PITPNM2: variants seen among roughly 807,000 people sequenced by gnomAD.
The protein encoded by PITPNM2 is phosphatidylinositol transfer protein membrane associated 2, also known as membrane-associated phosphatidylinositol transfer protein 2.
PITPNM2 carries 35 observed loss-of-function variants against 132.2 expected under a neutral mutation model. The ratio of observed to expected loss-of-function variants is 0.26; its 90% CI spans 0.20 to 0.35. The LOEUF (loss-of-function observed/expected upper bound fraction) is 0.35. PITPNM2 is among the 10% of genes least tolerant of loss of function. The pLI is 1.00. For missense variants in PITPNM2, 1,332 were observed against 1,912.0 expected, an observed-to-expected ratio of 0.70 and a Z score of 5.66; for synonymous variants, 738 against 799.2, an observed-to-expected ratio of 0.92 and a Z score of 1.29.
At chr12:123,048,457 C>T (rs560922767) in intron 2 of PITPNM2, among the ~76,000 whole-genome samples, 1 of 151,264 alleles carries the variant, frequency 6.6e-6, no homozygotes, top group Admixed American at 6.6e-5. Flanking sequence ...CCAGGCCGGA[C>T]TGCGGACTGC....
chr12:123,032,734 C>T (rs959923540), intron 3 of PITPNM2, among the ~76,000 whole-genome samples: 5 of 152,180 alleles, frequency 3.3e-5, no homozygotes, highest in Non-Finnish European at 5.9e-5. Flanking sequence ...TCCTTGAACA[C>T]GCTGAGCTAT....
chr12:123,112,084 G>T (rs528402908), intron 1 of PITPNM2, among the ~76,000 whole-genome samples: 1 of 152,256 alleles, frequency 6.6e-6, no homozygotes, highest in Non-Finnish European at 1.5e-5. Flanking sequence ...GGGGCTATGA[G>T]AAAAAAGCAC....
Position 122,988,792 on chromosome 12 carries a change from C to T in PITPNM2, c.2812G>A (p.Ala938Thr). The change falls in exon 19 of 26, where the codon GCT becomes ACT. Residue 938 changes from alanine (A) to threonine (T), a missense_variant. Ala to Thr is a moderately conservative substitution (Grantham distance 58). Around this residue, in one of 6 missense-constraint regions of PITPNM2, gnomAD observed 251 missense variants for 472.0 expected, o/e 0.53. Transcript: ENST00000320201. ...CTGGCGTGGAAGAGGTGAGGCAGAG[C>T]CACCGTGGGGAAGGCCGTGAGGGCG... ...PDALTAFPTV[A>T]LPHLFHASYW... 1 of 1,583,188 alleles carries T rather than the reference C, an allele frequency of 6.3e-7. No individual in the cohort carries two copies. Among genetic ancestry groups the T allele is most frequent in the African/African-American group, 1.3e-5 (1 of 74,558 alleles).
intron 2 of PITPNM2, among the ~76,000 whole-genome samples, chr12:123,062,653 A>C (rs1242677373): frequency 2.6e-5 from 4 of 152,250 alleles, no homozygotes; most frequent in African/African-American, 9.6e-5. Context: ...AACTCTCTGC[A>C]GTGAAAGACA....
In PITPNM2 at chr12:123,121,055, A is replaced by C. The variant is rs528074295; in HGVS notation, c.-199-10567T>G. 1.2e-4 allele frequency among the ~76,000 whole-genome samples: 18 copies of C among 152,364 alleles called. 1 individual carries two copies. In the South Asian group the frequency reaches 3.7e-3, roughly 32 times the overall value. On this transcript the variant is annotated intron_variant, in intron 1 of 25. Coordinates refer to ENST00000320201, the MANE Select transcript of PITPNM2 (RefSeq NM_020845.3). ...CAGAACACACAGCTGCTGCAGGCCC[A>C]GCCCAGGCTCCTTCTCTGGGGAGCT...
chr12:123,065,232 A>C (rs998233969), intron 2 of PITPNM2, among the ~76,000 whole-genome samples: 4 of 152,216 alleles, frequency 2.6e-5, no homozygotes, highest in Non-Finnish European at 5.9e-5. Context: ...AAAAACCAGA[A>C]GAAAGGGTGA....
intron 2 of PITPNM2, among the ~76,000 whole-genome samples, chr12:123,100,070 G>C (rs1285064252): frequency 6.6e-6 from 1 of 152,228 alleles, no homozygotes; most frequent in Non-Finnish European, 1.5e-5. Flanking sequence ...AATAAGGTCT[G>C]CATTTCACAG....
rs376562298 is a variant in PITPNM2, at chr12:123,014,021, A to C, written c.100T>G (p.Tyr34Asp). The change falls in exon 4 of 26, where the codon TAT becomes GAT. Residue 34 changes from tyrosine (Y) to aspartate (D), a missense_variant. By Grantham distance (160) the Tyr-to-Asp change is radical. This residue lies in a region of PITPNM2 where 83 missense variants were observed against 118.7 expected (regional missense o/e 0.70). Transcript: ENST00000320201. ...MIQKKSRNET[Y>D]GEGSGVEILE... is the part of the protein sequence containing the mutation. ...ATCTCCACGCCGCTGCCTTCGCCATATGTCTCGTTACGGCTCTTCTTCTGT... is the reference window on the plus strand; with the variant it reads ...ATCTCCACGCCGCTGCCTTCGCCATCTGTCTCGTTACGGCTCTTCTTCTGT... The C allele has an allele frequency of 6.2e-7, 1 of 1,614,044 alleles. No homozygotes were observed. The highest frequency in any genetic ancestry group is 1.3e-5 in the African/African-American group (1 of 74,922).
intron 2 of PITPNM2, among the ~76,000 whole-genome samples, chr12:123,043,296 C>G (rs1300740402): frequency 6.6e-6 from 1 of 152,074 alleles, no homozygotes; most frequent in Non-Finnish European, 1.5e-5. Flanking sequence ...AAAAGTGACA[C>G]AGAAAGAGCT....
At chr12:123,140,975 C>A (rs542965100) in intron 1 of PITPNM2, among the ~76,000 whole-genome samples, 122 of 151,020 alleles carry the variant, frequency 8.1e-4, no homozygotes, top group African/African-American at 2.5e-3. Flanking sequence ...AAAAAAAAAA[C>A]CCCATACAAA....
In PITPNM2 at chr12:123,000,309, CA is replaced by C; in HGVS notation, c.1224+468del. 1.5e-6 allele frequency: 1 copy of C among 672,410 alleles called. No homozygotes were observed. The highest frequency in any genetic ancestry group is 2.7e-6 in the Non-Finnish European group (1 of 370,544). 41.7% of individuals were successfully genotyped at this position (672,410 alleles called of 1,614,324 possible). On this transcript the variant is annotated intron_variant, in intron 10 of 25. Coordinates refer to ENST00000320201, the MANE Select transcript of PITPNM2 (RefSeq NM_020845.3). This position sits in a 1 kb window ranked among gnomAD's most constrained non-coding sequence, Gnocchi z 5.4. ...CCCGAAGCGGATACAGGCGCTCTAC[CA>C]AGACAGTTTTATTGGACACACTGAG... is the stretch of plus-strand genomic sequence containing the variant.
chr12:123,047,627 G>A (rs2040704906), intron 2 of PITPNM2, among the ~76,000 whole-genome samples: 1 of 152,102 alleles, frequency 6.6e-6, no homozygotes, highest in African/African-American at 2.4e-5. Context: ...CCTAACAAAT[G>A]TTCATTAAGC....
At position 123,083,886 on chromosome 12, in the gene PITPNM2, T is replaced by G. The variant is rs529537153; in HGVS notation, c.-96+26499A>C. The G allele has an allele frequency of 2.0e-5, 3 of 152,376 alleles. No individual in the cohort carries two copies. Among genetic ancestry groups the G allele is most frequent in the Admixed American group, 2.0e-4 (3 of 15,306 alleles). 9.4% of individuals were successfully genotyped at this position (152,376 alleles called of 1,614,324 possible). ...CCTGCCAGGCTATTTATAGCCTCCC[T>G]CTCTCTGAAAACTCCTTCACCCATT... On this transcript the variant is annotated intron_variant, in intron 2 of 25. Coordinates refer to ENST00000320201, the MANE Select transcript of PITPNM2 (RefSeq NM_020845.3). The surrounding 1 kb of genome is among the most constrained non-coding windows in gnomAD (Gnocchi z 4.5).
intron 2 of PITPNM2, among the ~76,000 whole-genome samples, chr12:123,063,345 T>C (rs1313111978): frequency 6.6e-6 from 1 of 152,234 alleles, no homozygotes; most frequent in Non-Finnish European, 1.5e-5. Context: ...CCTGCGCCCC[T>C]GGCTGGGCTG....
intron 1 of PITPNM2, among the ~76,000 whole-genome samples, chr12:123,133,184 C>T (rs1019101262): frequency 1.3e-5 from 2 of 152,186 alleles, no homozygotes; most frequent in African/African-American, 2.4e-5. Flanking sequence ...CAGTAACACA[C>T]GAGGGTTTCA....
intron 2 of PITPNM2, chr12:123,092,443 A>G (rs1312037618): frequency 2.0e-5 from 3 of 152,270 alleles, no homozygotes; most frequent in Non-Finnish European, 4.4e-5. Context: ...AGCCTCAAAC[A>G]GGATTACTAA....
chr12:122,988,362 G>C lies in PITPNM2; in HGVS notation c.2881-12C>G, dbSNP rs539066604. 1 of 1,610,178 alleles carries C rather than the reference G, an allele frequency of 6.2e-7. No individual in the cohort carries two copies. The highest frequency in any genetic ancestry group is 1.1e-5 in the South Asian group (1 of 91,036). On this transcript the variant is annotated splice_polypyrimidine_tract_variant and intron_variant, in intron 19 of 25. Coordinates refer to ENST00000320201, the MANE Select transcript of PITPNM2 (RefSeq NM_020845.3). ...TCATGCCTCATGACCTGGGAAGAGGGGACAGTGCAGGCTGTGGGGCAGATG... is the reference window on the plus strand; with the variant it reads ...TCATGCCTCATGACCTGGGAAGAGGCGACAGTGCAGGCTGTGGGGCAGATG...
At chr12:123,026,713 G>A (rs1263668050) in intron 3 of PITPNM2, among the ~76,000 whole-genome samples, 3 of 152,202 alleles carry the variant, frequency 2.0e-5, no homozygotes, top group South Asian at 2.1e-4. Context: ...CAGACTTCAC[G>A]CCTTTTCCAG....
At chr12:123,044,003 G>A (rs750298060) in intron 2 of PITPNM2, among the ~76,000 whole-genome samples, 1 of 152,186 alleles carries the variant, frequency 6.6e-6, no homozygotes, top group Non-Finnish European at 1.5e-5. Flanking sequence ...GACCCTGCTG[G>A]TCACAGAGCT....
Sources: allele counts gnomAD v4.1 joint callset (sites outside exome capture counted in the v4.1 genomes callset), GRCh38; gene constraint gnomAD v4.1.1; regional missense constraint gnomAD v4.1.1; non-coding constraint Gnocchi (gnomAD v3.1); transcripts MANE v1.5; gene names NCBI Gene and HGNC (gene_info 2026-07-23, HGNC 2026-07-21).